The following ARHGAP31 variants were observed in gnomAD, a reference collection of about 807,000 sequenced individuals.
ARHGAP31 encodes rho GTPase-activating protein 31.
A neutral mutation model predicts 113.9 loss-of-function variants in ARHGAP31; 34 were observed. That is an observed-to-expected ratio of 0.30 (90% CI 0.23 to 0.40). The LOEUF (loss-of-function observed/expected upper bound fraction) is 0.40. Ranked by LOEUF, ARHGAP31 falls within the 10% of genes least tolerant of loss-of-function variation. The probability of loss-of-function intolerance (pLI) is 1.00; values close to 1 mark genes in which losing one functional copy is unlikely to be tolerated. For synonymous variants in ARHGAP31, 650 were observed against 684.8 expected, an observed-to-expected ratio of 0.95 and a Z score of 0.79; for missense variants, 1,548 against 1,767.1, an observed-to-expected ratio of 0.88 and a Z score of 2.22.
intron 4 of ARHGAP31, among the ~76,000 whole-genome samples, chr3:119,382,083 T>C (rs1011796194): frequency 6.6e-6 from 1 of 151,552 alleles, no homozygotes; most frequent in Non-Finnish European, 1.5e-5. Flanking sequence ...TGCTTACATC[T>C]GACAAAATGG....
chr3:119,294,784 C>A lies in ARHGAP31; in HGVS notation c.-121C>A. ...GGGCCCCCAGCCCAAGTTCTTCCATCTTCCGATGCGGCCCCCCAGAGCCGC... is the reference window on the plus strand; with the variant it reads ...GGGCCCCCAGCCCAAGTTCTTCCATATTCCGATGCGGCCCCCCAGAGCCGC... On this transcript the variant is annotated 5_prime_UTR_variant, in exon 1 of 12. Coordinates refer to ENST00000264245, the MANE Select transcript of ARHGAP31 (RefSeq NM_020754.4). 1 of 950,072 alleles carries A rather than the reference C, an allele frequency of 1.1e-6. No homozygotes were observed. Among genetic ancestry groups the A allele is most frequent in the Non-Finnish European group, 1.7e-6 (1 of 594,202 alleles). 58.9% of individuals were successfully genotyped at this position (950,072 alleles called of 1,614,324 possible). A position where few individuals can be genotyped will look rare whatever the true frequency, so the allele number is the denominator to read the frequency against.
intron 1 of ARHGAP31, among the ~76,000 whole-genome samples, chr3:119,334,424 T>G (rs954684370): frequency 6.6e-6 from 1 of 152,222 alleles, no homozygotes; most frequent in Non-Finnish European, 1.5e-5. Flanking sequence ...ATAGTAGCTC[T>G]CAGCTCCCTG....
At chr3:119,353,981 C>T (rs1334373525) in intron 1 of ARHGAP31, among the ~76,000 whole-genome samples, 1 of 152,106 alleles carries the variant, frequency 6.6e-6, no homozygotes. Context: ...GCATTGACAG[C>T]AGAGACCTGA....
At chr3:119,375,200 T>C (rs1170332560) in intron 3 of ARHGAP31, among the ~76,000 whole-genome samples, 1 of 152,208 alleles carries the variant, frequency 6.6e-6, no homozygotes, top group Non-Finnish European at 1.5e-5. Context: ...AGAAACCTAT[T>C]GCCTCACAGG....
chr3:119,383,252 C>G (rs1289418355), intron 6 of ARHGAP31, 26 bp downstream of exon 6: 20 of 1,613,476 alleles, frequency 1.2e-5, no homozygotes, highest in Non-Finnish European at 1.5e-5. Flanking sequence ...AGCATACACT[C>G]CACCAGCTTA....
rs2079520027 is a variant in ARHGAP31, at chr3:119,294,971, C to T, written c.67C>T (p.Leu23=). The change falls in exon 1 of 12, where the codon CTG becomes TTG. Residue 23 remains leucine, a synonymous_variant. Transcript: ENST00000264245. ...AGCCGCCAGCGCGTTTGGCTGTGAC[C>T]TGACGGAGTATCTGGAAAGCTCGGG... The part of the protein sequence containing the change: ...KGAASAFGCD[L]TEYLESSGQD... The T allele has an allele frequency of 1.2e-6, 2 of 1,614,126 alleles. No homozygotes were observed. Among genetic ancestry groups the T allele is most frequent in the Non-Finnish European group, 8.5e-7 (1 of 1,180,018 alleles).
At chr3:119,340,937 C>T (rs1266782927) in intron 1 of ARHGAP31, among the ~76,000 whole-genome samples, 4 of 152,096 alleles carry the variant, frequency 2.6e-5, no homozygotes, top group Non-Finnish European at 4.4e-5. Flanking sequence ...GATTTCTTCC[C>T]GTGGTCATTC....
chr3:119,365,281 A>G (rs1166001040), intron 1 of ARHGAP31, 35 bp from the exon 2 acceptor site: 2 of 1,554,088 alleles, frequency 1.3e-6, no homozygotes, highest in Admixed American at 3.3e-5. Context: ...ACTTACATCT[A>G]ATACTTAATT....
rs550128828 is a variant in ARHGAP31 at position 119,403,113 on chromosome 3, A to C, written c.1645+716A>C. 6.6e-5 allele frequency among the ~76,000 whole-genome samples: 10 copies of C among 152,348 alleles called. No individual in the cohort carries two copies. In the South Asian group the frequency reaches 2.1e-3, roughly 32 times the overall value. ...AACATGGGCCACATAAAATGGAAGC[A>C]GGGAGAACCCCAAAGGAAAGGGTGG... On this transcript the variant is annotated intron_variant, in intron 10 of 11. Transcript: ENST00000264245.
At chr3:119,369,698 TGC>T (rs1278620904) in intron 3 of ARHGAP31, among the ~76,000 whole-genome samples, 1 of 152,154 alleles carries the variant, frequency 6.6e-6, no homozygotes, top group Non-Finnish European at 1.5e-5. Context: ...AAAAACTAAA[TGC>T]ACAACTGTAT....
intron 1 of ARHGAP31, among the ~76,000 whole-genome samples, chr3:119,332,411 G>T (rs2107607661): frequency 6.6e-6 from 1 of 152,030 alleles, no homozygotes; most frequent in Middle Eastern, 3.4e-3. Flanking sequence ...TGTTGGCCAG[G>T]CTGGTCTTGA....
intron 1 of ARHGAP31, among the ~76,000 whole-genome samples, chr3:119,331,757 G>A (rs1411932205): frequency 1.3e-5 from 2 of 152,170 alleles, no homozygotes. Flanking sequence ...ATTTTAGCAG[G>A]ATTATGAAAA....
chr3:119,408,304 A>T (rs2080683956), intron 10 of ARHGAP31, among the ~76,000 whole-genome samples: 1 of 152,238 alleles, frequency 6.6e-6, no homozygotes, highest in Non-Finnish European at 1.5e-5. Context: ...TTCAGGAAAT[A>T]AGCCTGCAAA....
chr3:119,302,107 AC>A (rs768789989), intron 1 of ARHGAP31, among the ~76,000 whole-genome samples: 1 of 152,216 alleles, frequency 6.6e-6, no homozygotes, highest in African/African-American at 2.4e-5. Context: ...TCCATGTCCT[AC>A]CCAATTTCCT....
At chr3:119,374,213 A>T (rs1190217655) in intron 3 of ARHGAP31, among the ~76,000 whole-genome samples, 2 of 152,136 alleles carry the variant, frequency 1.3e-5, no homozygotes, top group Non-Finnish European at 1.5e-5. Flanking sequence ...CATGAGTGGC[A>T]TGAATGGCTT....
rs572959907 is a variant in ARHGAP31 at position 119,420,044 on chromosome 3, G to C, written c.*3780G>C. 13 of 152,326 alleles carry C rather than the reference G, an allele frequency of 8.5e-5. No individual in the cohort carries two copies. Among genetic ancestry groups the C allele is most frequent in the African/African-American group, 3.1e-4 (13 of 41,560 alleles). 9.4% of individuals were successfully genotyped at this position (152,326 alleles called of 1,614,324 possible). A position where few individuals can be genotyped will look rare whatever the true frequency, so the allele number is the denominator to read the frequency against. ...GTTCAATTCAAGATAAATTGTTCTT[G>C]TCAGTGTTTGGCATATGATAATCAC... On this transcript the variant is annotated 3_prime_UTR_variant, in exon 12 of 12. Transcript: ENST00000264245.
intron 1 of ARHGAP31, among the ~76,000 whole-genome samples, chr3:119,350,949 G>A (rs2080105326): frequency 6.6e-6 from 1 of 152,140 alleles, no homozygotes; most frequent in South Asian, 2.1e-4. Flanking sequence ...TTAATTTCCA[G>A]CCCAGCCTCT....
At chr3:119,335,163 C>T (rs73854492) in intron 1 of ARHGAP31, among the ~76,000 whole-genome samples, 132 of 152,218 alleles carry the variant, frequency 8.7e-4, no homozygotes, top group African/African-American at 3.0e-3. Flanking sequence ...TCACTGTGGC[C>T]TACTCCTCTA....
At chr3:119,400,625 G>A (rs2080594888) in intron 9 of ARHGAP31, among the ~76,000 whole-genome samples, 1 of 152,074 alleles carries the variant, frequency 6.6e-6, no homozygotes, top group South Asian at 2.1e-4. Flanking sequence ...CAACATATAG[G>A]TTTTTATATA....
Sources: allele counts gnomAD v4.1 joint callset (sites outside exome capture counted in the v4.1 genomes callset), GRCh38; gene constraint gnomAD v4.1.1; transcripts MANE v1.5; gene names NCBI Gene and HGNC (gene_info 2026-07-23, HGNC 2026-07-21).